MKLN1: variants seen among roughly 807,000 people sequenced by gnomAD.
MKLN1 encodes the protein muskelin 1, also known as muskelin.
MKLN1 carries 18 observed loss-of-function variants against 99.0 expected under a neutral mutation model. The observed-to-expected ratio is 0.18, with a 90% CI of 0.13 to 0.27. MKLN1 has a LOEUF of 0.27. Ranked by LOEUF, MKLN1 falls within the 10% of genes least tolerant of loss-of-function variation. The pLI is 1.00. For synonymous variants in MKLN1, 288 were observed against 293.2 expected (o/e 0.98, Z 0.18); for missense variants, 621 against 875.9 (o/e 0.71, Z 3.67).
chr7:131,230,488 G>A (rs1404255427), intron 3 of MKLN1, among the ~76,000 whole-genome samples: 1 of 152,218 alleles, frequency 6.6e-6, no homozygotes, highest in Non-Finnish European at 1.5e-5. Context: ...GTAGTCCCTT[G>A]TAGGGGCCAA....
intron 12 of MKLN1, among the ~76,000 whole-genome samples, chr7:131,447,176 G>A (rs1461318862): frequency 6.6e-6 from 1 of 152,150 alleles, no homozygotes; most frequent in Non-Finnish European, 1.5e-5. Context: ...TAGTGTAAGT[G>A]TAGTAAACAT....
At chr7:131,201,893 T>C (rs1187999351) in intron 2 of MKLN1, among the ~76,000 whole-genome samples, 1 of 152,240 alleles carries the variant, frequency 6.6e-6, no homozygotes, top group African/African-American at 2.4e-5. Context: ...CAATTCACTC[T>C]AAATTATCAT....
At chr7:131,353,295 G>A (rs372029322) in intron 1 of MKLN1, among the ~76,000 whole-genome samples, 18 of 152,040 alleles carry the variant, frequency 1.2e-4, no homozygotes, top group East Asian at 9.7e-4. Flanking sequence ...TTATCTTTTA[G>A]CTATTATGAT....
intron 15 of MKLN1, among the ~76,000 whole-genome samples, chr7:131,468,621 C>T (rs1796724485): frequency 6.6e-6 from 1 of 152,080 alleles, no homozygotes; most frequent in Admixed American, 6.5e-5. Context: ...TTTCATACGA[C>T]ATTCAGGTTT....
chr7:131,454,938 C>T (rs1199729436), intron 12 of MKLN1, among the ~76,000 whole-genome samples: 1 of 152,208 alleles, frequency 6.6e-6, no homozygotes, highest in Non-Finnish European at 1.5e-5. Context: ...TGGTTGAACT[C>T]TGAAACAATC....
intron 3 of MKLN1, among the ~76,000 whole-genome samples, chr7:131,286,647 T>G (rs899876802): frequency 3.3e-5 from 5 of 152,200 alleles, no homozygotes; most frequent in Non-Finnish European, 7.3e-5. Flanking sequence ...GTCCACTCTG[T>G]TTAAAGTACT....
chr7:131,260,910 A>G (rs1797723456), intron 3 of MKLN1, among the ~76,000 whole-genome samples: 1 of 102,596 alleles, frequency 9.7e-6, no homozygotes, highest in Admixed American at 1.3e-4. Context: ...TCCCTGTTCA[A>G]TAAATAGTGC....
intron 1 of MKLN1, among the ~76,000 whole-genome samples, chr7:131,129,443 T>C (rs1798177134): frequency 6.6e-6 from 1 of 152,232 alleles, no homozygotes; most frequent in South Asian, 2.1e-4. Flanking sequence ...CTTTATAATA[T>C]TAAATACTTA....
chr7:131,436,225 C>T (rs1795672915), intron 9 of MKLN1, among the ~76,000 whole-genome samples: 1 of 152,002 alleles, frequency 6.6e-6, no homozygotes, highest in Admixed American at 6.6e-5. Context: ...GCCTAATATT[C>T]CTTCATTTCA....
At chr7:131,397,871 A>G (rs753231238) in intron 5 of MKLN1, among the ~76,000 whole-genome samples, 2 of 152,232 alleles carry the variant, frequency 1.3e-5, no homozygotes, top group African/African-American at 2.4e-5. Context: ...GGGTTAAAAA[A>G]TACTGCTGTT....
intron 2 of MKLN1, among the ~76,000 whole-genome samples, chr7:131,379,146 A>G (rs1012364544): frequency 6.6e-6 from 1 of 152,190 alleles, no homozygotes; most frequent in African/African-American, 2.4e-5. Context: ...GTGATTGTGG[A>G]TGAATAGTAC....
At chr7:131,335,624 G>C (rs966564614) in intron 1 of MKLN1, among the ~76,000 whole-genome samples, 30 of 150,798 alleles carry the variant, frequency 2.0e-4, no homozygotes, top group African/African-American at 7.0e-4. Flanking sequence ...ATTGTGGTAT[G>C]TTACATGTTC....
chr7:131,395,991 T>A (rs753777485), intron 4 of MKLN1, among the ~76,000 whole-genome samples: 6 of 151,592 alleles, frequency 4.0e-5, no homozygotes, highest in Non-Finnish European at 8.8e-5. Flanking sequence ...TATTTTCTAA[T>A]TGGTTATTGT....
intron 2 of MKLN1, among the ~76,000 whole-genome samples, chr7:131,167,484 G>A (rs1227835353): frequency 9.9e-5 from 15 of 152,016 alleles, no homozygotes; most frequent in African/African-American, 3.6e-4. Context: ...CCAGCCTAGG[G>A]CAACATGGTG....
intron 6 of MKLN1, among the ~76,000 whole-genome samples, chr7:131,402,298 A>G (rs1794572061): frequency 6.6e-6 from 1 of 152,214 alleles, no homozygotes; most frequent in East Asian, 1.9e-4. Context: ...AAGTTTTATC[A>G]TGAGAGTGTA....
chr7:131,227,495 C>CTCTTTCTTTCTTTCTTTTT (rs1797171283), intron 3 of MKLN1, among the ~76,000 whole-genome samples: 1 of 115,710 alleles, frequency 8.6e-6, no homozygotes, highest in Non-Finnish European at 1.7e-5. Context: ...CTCTTTCTTT[C>CTCTTTCTTTCTTTCTTTTT]TCTTTCTTTC....
At chr7:131,110,143 TC>T in exon 1 of MKLN1, 1 of 200,740 alleles carries the variant, frequency 5.0e-6, no homozygotes, top group Non-Finnish European at 1.0e-5. Context: ...ACCGAGCTCC[TC>T]CAGAGCCGCC....
intron 1 of MKLN1, among the ~76,000 whole-genome samples, chr7:131,341,235 G>A (rs754929325): frequency 3.3e-5 from 5 of 151,742 alleles, no homozygotes; most frequent in African/African-American, 4.8e-5. Context: ...TTCTACTTTA[G>A]GGTATTAGAT....
At chr7:131,424,320 T>C (rs2116403377) in intron 8 of MKLN1, among the ~76,000 whole-genome samples, 1 of 152,236 alleles carries the variant, frequency 6.6e-6, no homozygotes, top group African/African-American at 2.4e-5. Context: ...GATACATGAA[T>C]TTTGTCTAAG....
Sources: gnomAD v4.1 joint callset for allele counts (sites outside exome capture counted in the v4.1 genomes callset) on GRCh38, gnomAD v4.1.1 for gene constraint, MANE v1.5 for transcripts, NCBI Gene and HGNC (gene_info 2026-07-23, HGNC 2026-07-21) for gene names.